Variants in C2CD3 observed in about 807,000 individuals in gnomAD.
C2CD3 encodes C2 domain-containing protein 3.
A neutral mutation model predicts 234.0 loss-of-function variants in C2CD3; 148 were observed. That is an observed-to-expected ratio of 0.63 (90% CI 0.55 to 0.72). The LOEUF is 0.72. Ranked by LOEUF, C2CD3 falls within the 30% of genes least tolerant of loss-of-function variation. The pLI is 0.00. For missense variants in C2CD3, 2,577 were observed against 2,811.5 expected, an observed-to-expected ratio of 0.92 and a Z score of 1.89; for synonymous variants, 1,000 against 1,035.4, an observed-to-expected ratio of 0.97 and a Z score of 0.66.
chr11:74,166,509 A>G (rs1391814693), intron 2 of C2CD3, among the ~76,000 whole-genome samples: 2 of 152,178 alleles, frequency 1.3e-5, no homozygotes, highest in Non-Finnish European at 2.9e-5. Context: ...AAGGCCCAAG[A>G]AGATGAAATG....
intron 9 of C2CD3, among the ~76,000 whole-genome samples, chr11:74,117,414 A>T (rs1957062080): frequency 7.1e-6 from 1 of 141,156 alleles, no homozygotes; most frequent in East Asian, 2.0e-4. Flanking sequence ...AACTATAAAA[A>T]GGAAATGAAA....
chr11:74,126,815 T>C (rs1957428163), intron 7 of C2CD3, among the ~76,000 whole-genome samples: 1 of 152,190 alleles, frequency 6.6e-6, no homozygotes, highest in Admixed American at 6.5e-5. Flanking sequence ...TTCATAAATG[T>C]GACCAACCAT....
intron 31 of C2CD3, among the ~76,000 whole-genome samples, chr11:74,029,868 A>G (rs912231464): frequency 1.3e-5 from 2 of 152,074 alleles, no homozygotes; most frequent in Non-Finnish European, 2.9e-5. Context: ...TAATTCTTCC[A>G]CTTCAGCCTG....
At position 74,133,557 on chromosome 11, in the gene C2CD3, G is replaced by A; in HGVS notation, c.956C>T (p.Ala319Val). Residue 319 changes from alanine to valine, a missense_variant and splice_region_variant, in exon 6 of 33, where the codon GCT (alanine) becomes GTT (valine). Physicochemically the swap from Ala to Val is moderately conservative, Grantham distance 64 (BLOSUM62 0). Transcript: ENST00000334126. ...CAGTTTATTGCCTTGTTCTAACAGA[G>A]CTGAAGAGGGTAAATGCAGAAAACA... ...NNLPTKDLLS[A>V]LLEQGNKLRN... 2 of 1,613,894 alleles carry A rather than the reference G, an allele frequency of 1.2e-6. No homozygotes were observed. The highest frequency in any genetic ancestry group is 2.2e-5 in the South Asian group (2 of 91,060).
At chr11:74,159,308 C>T (rs1024554711) in intron 3 of C2CD3, among the ~76,000 whole-genome samples, 2 of 152,146 alleles carry the variant, frequency 1.3e-5, no homozygotes, top group African/African-American at 4.8e-5. Context: ...TGTAGTCCTT[C>T]TACTTATTAA....
rs531395762 is a variant in C2CD3 at position 74,023,001 on chromosome 11, T to C, written c.6921+5286A>G. Among the ~76,000 whole-genome samples, 33 of 152,280 alleles carry C rather than the reference T, an allele frequency of 2.2e-4. No individual in the cohort carries two copies. In the South Asian group the frequency reaches 5.6e-3, roughly 26 times the overall value. ...ACCCTGTGAGGCCTGATAACCCCAT[T>C]TGACAGATGAGAAAGCAGACTCAGA... On this transcript the variant is annotated intron_variant, in intron 32 of 32. Transcript: ENST00000334126.
At chr11:74,119,894 C>T (rs1037468921) in intron 8 of C2CD3, among the ~76,000 whole-genome samples, 5 of 152,116 alleles carry the variant, frequency 3.3e-5, no homozygotes, top group Admixed American at 3.3e-4. Context: ...CTTTGGCCTC[C>T]TGAAGTGCTG....
chr11:74,082,123 A>ATTTTTTTTTTTT (rs34965283), intron 22 of C2CD3, among the ~76,000 whole-genome samples: 1 of 136,818 alleles, frequency 7.3e-6, no homozygotes, highest in African/African-American at 2.7e-5. Context: ...GGCTGTGGAT[A>ATTTTTTTTTTTT]TTTTTTTTTT....
chr11:74,116,975 C>CGTGTATAT (rs1173449704), intron 9 of C2CD3, among the ~76,000 whole-genome samples: 3 of 70,770 alleles, frequency 4.2e-5, no homozygotes, highest in African/African-American at 1.2e-4. Context: ...CACATATACA[C>CGTGTATAT]GTATATATAC....
At chr11:74,028,642 C>T (rs1952402577) in intron 31 of C2CD3, among the ~76,000 whole-genome samples, 2 of 152,334 alleles carry the variant, frequency 1.3e-5, no homozygotes, top group South Asian at 4.1e-4. Flanking sequence ...TTAATCTTAG[C>T]CCCACAGTGA....
intron 29 of C2CD3, among the ~76,000 whole-genome samples, chr11:74,038,045 CTG>C (rs978024809): frequency 1.3e-5 from 2 of 152,200 alleles, no homozygotes; most frequent in Non-Finnish European, 2.9e-5. Context: ...TGCGCTAACA[CTG>C]TCCTTTGCTA....
At chr11:74,031,523 T>TA (rs1952522611) in intron 31 of C2CD3, among the ~76,000 whole-genome samples, 1 of 152,190 alleles carries the variant, frequency 6.6e-6, no homozygotes, top group East Asian at 1.9e-4. Flanking sequence ...TGGCTCCAAG[T>TA]AGAGTTAGGG....
intron 23 of C2CD3, among the ~76,000 whole-genome samples, chr11:74,076,618 T>C (rs1955053156): frequency 6.6e-6 from 1 of 152,344 alleles, no homozygotes; most frequent in South Asian, 2.1e-4. Flanking sequence ...ACAGTACTCC[T>C]GCCTACCTCC....
chr11:74,159,038 A>G (rs554775938), intron 3 of C2CD3, among the ~76,000 whole-genome samples: 11 of 152,296 alleles, frequency 7.2e-5, no homozygotes, highest in African/African-American at 2.2e-4. Context: ...ATTTCCATCA[A>G]TGACAGACCA....
chr11:74,136,411 A>T (rs922073328), intron 5 of C2CD3, among the ~76,000 whole-genome samples: 11 of 152,322 alleles, frequency 7.2e-5, no homozygotes, highest in African/African-American at 2.4e-4. Context: ...CAAGGTCTTG[A>T]TTTAAAAAGC....
chr11:74,083,390 T>A (rs923170717), intron 22 of C2CD3, among the ~76,000 whole-genome samples: 2 of 152,130 alleles, frequency 1.3e-5, no homozygotes, highest in African/African-American at 2.4e-5. Context: ...GGGCAAGGAC[T>A]TCATGACTAA....
chr11:74,093,531 G>C (rs1955978563), intron 18 of C2CD3, among the ~76,000 whole-genome samples: 2 of 151,738 alleles, frequency 1.3e-5, no homozygotes, highest in African/African-American at 4.8e-5. Flanking sequence ...GCACAAAAAA[G>C]GTGATTGATA....
intron 3 of C2CD3, among the ~76,000 whole-genome samples, chr11:74,147,022 G>A (rs1169601182): frequency 6.6e-6 from 1 of 151,966 alleles, no homozygotes; most frequent in Non-Finnish European, 1.5e-5. Flanking sequence ...CTGCGCTCCA[G>A]CCTGGATGAC....
intron 3 of C2CD3, among the ~76,000 whole-genome samples, chr11:74,148,753 C>T (rs1029878919): frequency 1.3e-5 from 2 of 152,132 alleles, no homozygotes; most frequent in African/African-American, 4.8e-5. Flanking sequence ...TGTAAAGCCA[C>T]CTTTCTTCCT....
Sources: gnomAD v4.1 joint callset for allele counts (sites outside exome capture counted in the v4.1 genomes callset) on GRCh38, gnomAD v4.1.1 for gene constraint, MANE v1.5 for transcripts, NCBI Gene and HGNC (gene_info 2026-07-23, HGNC 2026-07-21) for gene names.